PRDM5: variants seen among roughly 807,000 people sequenced by gnomAD.
The protein encoded by PRDM5 is PR/SET domain 5, also known as PR domain zinc finger protein 5.
In PRDM5, 56 loss-of-function variants were observed where a neutral mutation model predicts 81.2. The observed-to-expected ratio is 0.69, with a 90% confidence interval of 0.56 to 0.86. The LOEUF is 0.86. Ranked by LOEUF, PRDM5 falls within the 40% of genes least tolerant of loss-of-function variation. The pLI is 0.00. For synonymous variants in PRDM5, 267 were observed against 256.4 expected, an observed-to-expected ratio of 1.04 and a Z score of -0.39; for missense variants, 697 against 770.1, an observed-to-expected ratio of 0.91 and a Z score of 1.12.
At chr4:120,842,226 C>G (rs1758123781) in intron 3 of PRDM5, among the ~76,000 whole-genome samples, 1 of 152,162 alleles carries the variant, frequency 6.6e-6, no homozygotes, top group Non-Finnish European at 1.5e-5. Flanking sequence ...TAGCAGTAGA[C>G]TGAAATGTGT....
At chr4:120,774,284 T>C (rs1395577317) in intron 13 of PRDM5, among the ~76,000 whole-genome samples, 1 of 152,178 alleles carries the variant, frequency 6.6e-6, no homozygotes, top group Non-Finnish European at 1.5e-5. Context: ...TACAACTAAA[T>C]ACTTCTTGAC....
intron 14 of PRDM5, among the ~76,000 whole-genome samples, chr4:120,719,152 A>C (rs1435953270): frequency 6.6e-6 from 1 of 152,164 alleles, no homozygotes; most frequent in African/African-American, 2.4e-5. Flanking sequence ...CTGTGCACCC[A>C]CTAGATGTCA....
At chr4:120,812,191 T>C (rs149046136) in intron 7 of PRDM5, among the ~76,000 whole-genome samples, 1 of 152,292 alleles carries the variant, frequency 6.6e-6, no homozygotes, top group East Asian at 1.9e-4. Flanking sequence ...CTCTCATTGA[T>C]GGACACTTAG....
At position 120,716,413 on chromosome 4, in the gene PRDM5, C is replaced by T. The variant is rs369018804; in HGVS notation, c.1624-6000G>A. Reference sequence around the variant, plus strand: ...TTTCAATCTGCCTGGACTCCCTCTTCTCTACCTAGAACCATTTAAAGCCAG... The same window carrying T: ...TTTCAATCTGCCTGGACTCCCTCTTTTCTACCTAGAACCATTTAAAGCCAG... On this transcript the variant is annotated intron_variant, in intron 14 of 15. Transcript: ENST00000264808. 2.6e-4 allele frequency among the ~76,000 whole-genome samples: 39 copies of T among 152,290 alleles called. No individual in the cohort carries two copies. In the East Asian group the frequency reaches 4.4e-3, roughly 17 times the overall value.
At chr4:120,697,384 A>C (rs1191084652) in intron 15 of PRDM5, among the ~76,000 whole-genome samples, 1 of 152,226 alleles carries the variant, frequency 6.6e-6, no homozygotes, top group Non-Finnish European at 1.5e-5. Flanking sequence ...ATTTATATAC[A>C]TGATGCTCAT....
At chr4:120,919,480 T>C (rs1213174445) in intron 1 of PRDM5, among the ~76,000 whole-genome samples, 1 of 152,156 alleles carries the variant, frequency 6.6e-6, no homozygotes, top group Non-Finnish European at 1.5e-5. Context: ...TAAAATCACA[T>C]AATCTGAGAG....
At chr4:120,757,885 CCTTCTT>C (rs1553959876) in intron 13 of PRDM5, among the ~76,000 whole-genome samples, 2 of 150,984 alleles carry the variant, frequency 1.3e-5, no homozygotes, top group Admixed American at 6.6e-5. Flanking sequence ...CTTCTCTTCT[CCTTCTT>C]CTTCTTCTTC....
At chr4:120,922,006 A>G (rs1724992733) in intron 1 of PRDM5, among the ~76,000 whole-genome samples, 1 of 152,164 alleles carries the variant, frequency 6.6e-6, no homozygotes, top group South Asian at 2.1e-4. Context: ...GCCTGCGTGG[A>G]GCGGCGCTCT....
intron 13 of PRDM5, among the ~76,000 whole-genome samples, chr4:120,759,050 C>T (rs544387944): frequency 1.6e-4 from 24 of 152,190 alleles, no homozygotes; most frequent in Admixed American, 9.2e-4. Context: ...CCACCACGCC[C>T]GACCCAGTCA....
At chr4:120,844,228 A>G (rs1758387147) in intron 3 of PRDM5, among the ~76,000 whole-genome samples, 1 of 152,210 alleles carries the variant, frequency 6.6e-6, no homozygotes, top group South Asian at 2.1e-4. Flanking sequence ...GATATTATAA[A>G]GACAAAAACT....
intron 2 of PRDM5, among the ~76,000 whole-genome samples, chr4:120,879,887 T>G (rs1762676928): frequency 6.6e-6 from 1 of 152,028 alleles, no homozygotes; most frequent in South Asian, 2.1e-4. Context: ...GAGGGACGAA[T>G]AGAGTACAGG....
chr4:120,709,690 G>A (rs535177127), intron 15 of PRDM5, among the ~76,000 whole-genome samples: 2 of 136,370 alleles, frequency 1.5e-5, no homozygotes, highest in Admixed American at 8.1e-5. Context: ...TGCCAATCCC[G>A]CACAAAAGAA....
intron 15 of PRDM5, among the ~76,000 whole-genome samples, chr4:120,696,114 C>G (rs753746509): frequency 6.6e-6 from 1 of 151,914 alleles, no homozygotes; most frequent in Non-Finnish European, 1.5e-5. Flanking sequence ...TTTACATTCA[C>G]AGCAATAAGA....
At chr4:120,916,666 A>T (rs563849553) in intron 1 of PRDM5, among the ~76,000 whole-genome samples, 1 of 152,286 alleles carries the variant, frequency 6.6e-6, no homozygotes, top group South Asian at 2.1e-4. Flanking sequence ...TCTCAAAAAC[A>T]ACATGCCTTA....
chr4:120,918,841 A>C (rs1450665877), intron 1 of PRDM5, among the ~76,000 whole-genome samples: 2 of 152,070 alleles, frequency 1.3e-5, no homozygotes, highest in African/African-American at 2.4e-5. Flanking sequence ...TAAAATGAGG[A>C]TGTGCCAATT....
chr4:120,821,639 G>A (rs909353958), intron 3 of PRDM5, among the ~76,000 whole-genome samples: 2 of 151,914 alleles, frequency 1.3e-5, no homozygotes, highest in Non-Finnish European at 2.9e-5. Flanking sequence ...ACACTTTGTG[G>A]TGGCCTATAA....
chr4:120,910,070 TAAA>T (rs34590841), intron 1 of PRDM5, among the ~76,000 whole-genome samples: 263 of 149,336 alleles, frequency 1.8e-3, no homozygotes, highest in African/African-American at 6.1e-3. Flanking sequence ...TCATATGCTT[TAAA>T]AAAAAAAAAG....
intron 3 of PRDM5, among the ~76,000 whole-genome samples, chr4:120,825,228 G>A (rs1190224761): frequency 1.3e-5 from 2 of 152,126 alleles, no homozygotes; most frequent in African/African-American, 2.4e-5. Context: ...ATTAAAGATG[G>A]TAATATTTGC....
At chr4:120,847,331 C>G (rs1022066842) in intron 3 of PRDM5, among the ~76,000 whole-genome samples, 1 of 152,090 alleles carries the variant, frequency 6.6e-6, no homozygotes, top group Non-Finnish European at 1.5e-5. Context: ...TTCTCTCTCT[C>G]TCTCACTCAT....
Sources: gnomAD v4.1 joint callset for allele counts (sites outside exome capture counted in the v4.1 genomes callset) on GRCh38, gnomAD v4.1.1 for gene constraint, MANE v1.5 for transcripts, NCBI Gene and HGNC (gene_info 2026-07-23, HGNC 2026-07-21) for gene names.